Variants in SLC16A7 observed in about 807,000 individuals in gnomAD.
The protein encoded by SLC16A7 is monocarboxylate transporter 2.
SLC16A7 carries 33 observed loss-of-function variants against 34.9 expected under a neutral mutation model. The observed-to-expected ratio is 0.94, with a 90% CI of 0.72 to 1.26. The LOEUF is 1.26. SLC16A7 is among the 50% of genes most tolerant of loss of function. The pLI is 0.00. For missense variants in SLC16A7, 573 were observed against 578.1 expected (o/e 0.99, Z 0.09); for synonymous variants, 201 against 206.6 (o/e 0.97, Z 0.23).
chr12:59,736,947 C>A (rs1261880947), intron 3 of SLC16A7, among the ~76,000 whole-genome samples: 2 of 152,202 alleles, frequency 1.3e-5, no homozygotes, highest in Non-Finnish European at 1.5e-5. Context: ...TTTCACTGAA[C>A]AATTCCTCTG....
chr12:59,657,406 G>A (rs1470232384), intron 2 of SLC16A7, among the ~76,000 whole-genome samples: 1 of 151,850 alleles, frequency 6.6e-6, no homozygotes, highest in Non-Finnish European at 1.5e-5. Flanking sequence ...GAGTCTTCAG[G>A]TTTGTTGTGA....
chr12:59,690,520 AAAAG>A (rs1871526308), intron 2 of SLC16A7, among the ~76,000 whole-genome samples: 1 of 151,998 alleles, frequency 6.6e-6, no homozygotes, highest in African/African-American at 2.4e-5. Flanking sequence ...TCCACTGATA[AAAAG>A]AAAGAAGAGT....
In SLC16A7 at chr12:59,630,426, T is replaced by G. The variant is rs187861704; in HGVS notation, c.-129-24726T>G. ...AGTGGTGTGAAAATTGACAGCTTAA[T>G]AAACCTCTTTGAGGCTGTTTCCTCA... is the stretch of plus-strand genomic sequence containing the variant. On this transcript the variant is annotated intron_variant, in intron 1 of 5. Transcript: ENST00000547379. Among the ~76,000 whole-genome samples the G allele has an allele frequency of 7.0e-4, 106 of 152,010 alleles. 1 individual carries two copies. Among genetic ancestry groups the G allele is most frequent in the Admixed American group, 1.8e-3 (28 of 15,246 alleles).
intron 1 of SLC16A7, among the ~76,000 whole-genome samples, chr12:59,604,711 C>T (rs1414400060): frequency 6.6e-6 from 1 of 152,122 alleles, no homozygotes; most frequent in Non-Finnish European, 1.5e-5. Flanking sequence ...GTATTTTGCC[C>T]AAGGTTACAC....
intron 4 of SLC16A7, among the ~76,000 whole-genome samples, chr12:59,773,451 T>C (rs1247596110): frequency 6.6e-6 from 1 of 152,134 alleles, no homozygotes; most frequent in Non-Finnish European, 1.5e-5. Context: ...TCTAGGTAAA[T>C]TAGTTAATAT....
intron 4 of SLC16A7, among the ~76,000 whole-genome samples, chr12:59,772,454 T>G (rs1197272128): frequency 1.3e-5 from 2 of 150,602 alleles, no homozygotes; most frequent in Non-Finnish European, 2.9e-5. Flanking sequence ...GTTATTTCCT[T>G]CACTACAGAT....
At chr12:59,604,260 T>C (rs910178312) in intron 1 of SLC16A7, among the ~76,000 whole-genome samples, 43 of 152,218 alleles carry the variant, frequency 2.8e-4, no homozygotes, top group African/African-American at 9.2e-4. Context: ...TCAAGGTATA[T>C]ATAGCGATCT....
chr12:59,626,758 C>T (rs1315018717), intron 1 of SLC16A7, among the ~76,000 whole-genome samples: 1 of 151,738 alleles, frequency 6.6e-6, no homozygotes, highest in African/African-American at 2.4e-5. Context: ...GACTGTCAGG[C>T]TCACAGCAGA....
intron 1 of SLC16A7, among the ~76,000 whole-genome samples, chr12:59,627,416 ATG>A (rs1879977621): frequency 6.6e-6 from 1 of 151,846 alleles, no homozygotes; most frequent in African/African-American, 2.4e-5. Context: ...TTATCTATAT[ATG>A]TGTGTGTATG....
chr12:59,625,039 A>G (rs1267280090), intron 1 of SLC16A7, among the ~76,000 whole-genome samples: 1 of 151,724 alleles, frequency 6.6e-6, no homozygotes. Context: ...TTCTCTGGAT[A>G]TATTGTACTT....
chr12:59,619,571 G>A (rs944632950), intron 1 of SLC16A7, among the ~76,000 whole-genome samples: 7 of 151,992 alleles, frequency 4.6e-5, no homozygotes, highest in Admixed American at 2.0e-4. Flanking sequence ...AGAAAGGCAG[G>A]TCTTTGACTT....
intron 2 of SLC16A7, among the ~76,000 whole-genome samples, chr12:59,704,213 A>G (rs1474437103): frequency 2.8e-5 from 4 of 141,840 alleles, no homozygotes; most frequent in Admixed American, 7.0e-5. Context: ...AAAAAAAAAA[A>G]AAAAAGAAAA....
At chr12:59,693,081 CATAAT>C (rs1228037471) in intron 2 of SLC16A7, among the ~76,000 whole-genome samples, 1 of 151,758 alleles carries the variant, frequency 6.6e-6, no homozygotes, top group African/African-American at 2.4e-5. Context: ...TAGGTGAAAA[CATAAT>C]ATAATATAAC....
At position 59,766,985 on chromosome 12, in the gene SLC16A7, A is replaced by G. The variant is rs1802472129; in HGVS notation, c.218-4234A>G. ...CTGGGCTTTTTTTGGTTGGTAAGCT[A>G]TTAATTATTGCCTCAAATTCAGAGC... On this transcript the variant is annotated intron_variant, in intron 3 of 5. Coordinates refer to ENST00000547379, the MANE Select transcript of SLC16A7 (RefSeq NM_001270623.2). Among the ~76,000 whole-genome samples, 3 of 152,020 alleles carry G rather than the reference A, an allele frequency of 2.0e-5. No individual in the cohort carries two copies. The South Asian group carries it at 6.2e-4, about 32-fold the overall frequency.
intron 1 of SLC16A7, among the ~76,000 whole-genome samples, chr12:59,637,251 C>A (rs1037949098): frequency 2.6e-5 from 4 of 152,088 alleles, no homozygotes; most frequent in Admixed American, 6.6e-5. Context: ...ATTTAAGATA[C>A]CACAAAGTGT....
chr12:59,722,834 G>A (rs1875765433), intron 3 of SLC16A7, among the ~76,000 whole-genome samples: 1 of 151,822 alleles, frequency 6.6e-6, no homozygotes, highest in Non-Finnish European at 1.5e-5. Flanking sequence ...CATTTGAATA[G>A]TAGTGTCCTA....
rs1188170635 is a variant in SLC16A7 at position 59,596,737 on chromosome 12, G to A, written c.-130+501G>A. Among the ~76,000 whole-genome samples, 1 of 152,206 alleles carries A rather than the reference G, an allele frequency of 6.6e-6. No homozygotes were observed. Among genetic ancestry groups the A allele is most frequent in the Non-Finnish European group, 1.5e-5 (1 of 68,036 alleles). ...CAGAAGGTGGAGGCGGGGGTGGAGTGTGTGGAGAGAACGTCTTCTCTTTGA... is the reference window on the plus strand; with the variant it reads ...CAGAAGGTGGAGGCGGGGGTGGAGTATGTGGAGAGAACGTCTTCTCTTTGA... On this transcript the variant is annotated intron_variant, in intron 1 of 5. Coordinates refer to ENST00000547379, the MANE Select transcript of SLC16A7 (RefSeq NM_001270623.2). This position sits in a 1 kb window ranked among gnomAD's most constrained non-coding sequence, Gnocchi z 5.0.
intron 3 of SLC16A7, among the ~76,000 whole-genome samples, chr12:59,736,846 T>G (rs887815029): frequency 6.6e-6 from 1 of 152,202 alleles, no homozygotes; most frequent in Admixed American, 6.5e-5. Flanking sequence ...AGTCTTGCAT[T>G]AGCATGCCTT....
At chr12:59,672,327 A>T (rs910661956) in intron 2 of SLC16A7, among the ~76,000 whole-genome samples, 3 of 149,574 alleles carry the variant, frequency 2.0e-5, no homozygotes, top group African/African-American at 7.4e-5. Context: ...GATGAGCAAC[A>T]GTTTTATTTT....
Sources: gnomAD v4.1 joint callset for allele counts (sites outside exome capture counted in the v4.1 genomes callset) on GRCh38, gnomAD v4.1.1 for gene constraint, Gnocchi (gnomAD v3.1) non-coding constraint, MANE v1.5 for transcripts, NCBI Gene and HGNC (gene_info 2026-07-23, HGNC 2026-07-21) for gene names.